The following HIRA variants were observed in gnomAD, a reference collection of about 807,000 sequenced individuals.
The protein encoded by HIRA is histone cell cycle regulator.
A neutral mutation model predicts 126.6 loss-of-function variants in HIRA; 13 were observed. The observed-to-expected ratio is 0.10, with a 90% confidence interval of 0.07 to 0.16. The LOEUF is 0.16. Ranked by LOEUF, HIRA falls within the 10% of genes least tolerant of loss-of-function variation. The pLI is 1.00. For missense variants in HIRA, 834 were observed against 1,314.4 expected, an observed-to-expected ratio of 0.63 and a Z score of 5.65; for synonymous variants, 511 against 520.0, an observed-to-expected ratio of 0.98 and a Z score of 0.24.
At chr22:19,431,394 G>A in intron 1 of HIRA, 46 bp downstream of exon 1, 1 of 1,598,744 alleles carries the variant, frequency 6.3e-7, no homozygotes, top group Non-Finnish European at 8.5e-7. Context: ...TCCAGACCCC[G>A]ACCCGACTCC....
intron 24 of HIRA, among the ~76,000 whole-genome samples, chr22:19,349,752 T>C (rs886367916): frequency 2.0e-5 from 3 of 152,188 alleles, no homozygotes; most frequent in Admixed American, 6.5e-5. Context: ...AATAAAAAAT[T>C]AGGCCTCTGT....
At chr22:19,336,079 C>A (rs1336200660) in intron 24 of HIRA, among the ~76,000 whole-genome samples, 1 of 152,050 alleles carries the variant, frequency 6.6e-6, no homozygotes, top group Non-Finnish European at 1.5e-5. Flanking sequence ...AAGAGACAAT[C>A]TTGAAAGTGG....
intron 1 of HIRA, among the ~76,000 whole-genome samples, chr22:19,427,278 A>G (rs1178224873): frequency 6.6e-6 from 1 of 152,216 alleles, no homozygotes; most frequent in East Asian, 1.9e-4. Context: ...ACTGATCTAA[A>G]GCAACTGCCA....
At chr22:19,341,900 T>C (rs2088633322) in intron 24 of HIRA, among the ~76,000 whole-genome samples, 1 of 152,200 alleles carries the variant, frequency 6.6e-6, no homozygotes, top group South Asian at 2.1e-4. Context: ...GGCAAATAGT[T>C]CATGACTACG....
In HIRA at chr22:19,350,142, T is replaced by C. The variant is rs564112859; in HGVS notation, c.2937+1216A>G. On this transcript the variant is annotated intron_variant, in intron 24 of 24. Transcript: ENST00000263208. ...AGTATTCTATATCTCCCTGCCCTTT[T>C]AATTTTTTTCCCATGGCATCCATCA... Among the ~76,000 whole-genome samples the C allele has an allele frequency of 1.1e-4, 17 of 152,254 alleles. No homozygotes were observed. The South Asian group carries it at 2.9e-3, about 26-fold the overall frequency.
intron 5 of HIRA, among the ~76,000 whole-genome samples, 176 bp from the exon 6 acceptor site, chr22:19,398,263 C>T (rs891666656): frequency 4.6e-5 from 7 of 152,170 alleles, no homozygotes; most frequent in East Asian, 1.9e-4. Context: ...AGCATCTAAC[C>T]GACCCCAGTG....
chr22:19,387,974 G>C (rs1671601027), intron 10 of HIRA, among the ~76,000 whole-genome samples, 158 bp from the exon 11 acceptor site: 1 of 150,988 alleles, frequency 6.6e-6, no homozygotes, highest in Non-Finnish European at 1.5e-5. Context: ...GGCCTGGGCG[G>C]GGGGGGGAGG....
At chr22:19,397,422 G>T (rs899370521) in intron 6 of HIRA, among the ~76,000 whole-genome samples, 1 of 152,216 alleles carries the variant, frequency 6.6e-6, no homozygotes, top group African/African-American at 2.4e-5. Context: ...TCCATAGCCA[G>T]ACTGAGTGTT....
intron 1 of HIRA, among the ~76,000 whole-genome samples, chr22:19,421,810 T>C (rs902236181): frequency 1.6e-4 from 25 of 152,288 alleles, no homozygotes; most frequent in African/African-American, 6.0e-4. Flanking sequence ...TTGCTGGGAC[T>C]ACAGGTACAT....
Position 19,396,954 on chromosome 22 carries a change from A to G in HIRA, c.494-7T>C, listed in dbSNP as rs1320857042. The G allele has an allele frequency of 6.2e-7, 1 of 1,613,952 alleles. No individual in the cohort carries two copies. The highest frequency in any genetic ancestry group is 8.5e-7 in the Non-Finnish European group (1 of 1,179,878). The stretch of plus-strand genomic sequence containing the variant: ...CTCAGAGTAGCTAGAATTTCTGTGA[A>G]GAAAAAAGGAATGTGGAGAGGTGTT... On this transcript the variant is annotated splice_region_variant and splice_polypyrimidine_tract_variant and intron_variant, in intron 6 of 24. Coordinates refer to ENST00000263208, the MANE Select transcript of HIRA (RefSeq NM_003325.4).
Position 19,377,960 on chromosome 22 carries a change from T to C in HIRA, c.1522A>G (p.Thr508Ala). 1 of 1,613,868 alleles carries C rather than the reference T, an allele frequency of 6.2e-7. No individual in the cohort carries two copies. Among genetic ancestry groups the C allele is most frequent in the Non-Finnish European group, 8.5e-7 (1 of 1,179,906 alleles). ...SPQLLPLDSS[T>A]PNSFGASKPC... is the part of the protein sequence containing the mutation. ...TTCGAGGCGCCGAAGGAGTTAGGGG[T>C]ACTGGAGTCCAGTGGCAGTAGCTGT... The change falls in exon 14 of 25, where the codon ACC (threonine) becomes GCC (alanine). Residue 508 changes from threonine to alanine, a missense_variant. This residue lies in a region of HIRA where 468 missense variants were observed against 574.2 expected (regional missense o/e 0.82). Transcript: ENST00000263208.
intron 11 of HIRA, among the ~76,000 whole-genome samples, chr22:19,387,002 A>G (rs2089133324): frequency 6.6e-6 from 1 of 152,232 alleles, no homozygotes; most frequent in South Asian, 2.1e-4. Context: ...GGGCTTTCAC[A>G]GAGCTCCCTT....
intron 19 of HIRA, among the ~76,000 whole-genome samples, 189 bp downstream of exon 19, chr22:19,356,701 C>T (rs1417209566): frequency 1.3e-5 from 2 of 152,234 alleles, no homozygotes; most frequent in African/African-American, 4.8e-5. Flanking sequence ...CCCCCTTGCA[C>T]ACTACCCCTC....
At chr22:19,343,205 A>G (rs1442352888) in intron 24 of HIRA, among the ~76,000 whole-genome samples, 5 of 152,166 alleles carry the variant, frequency 3.3e-5, no homozygotes, top group Admixed American at 3.3e-4. Flanking sequence ...CAACTCATGT[A>G]AATAGGATAT....
chr22:19,383,501 T>C (rs1486447131), intron 13 of HIRA, 119 bp downstream of exon 13: 3 of 798,286 alleles, frequency 3.8e-6, no homozygotes, highest in Non-Finnish European at 4.2e-6. Flanking sequence ...CTTGCTTCCA[T>C]GTTCTACCAG....
intron 19 of HIRA, 93 bp downstream of exon 19, chr22:19,356,797 C>T: frequency 7.7e-7 from 1 of 1,292,218 alleles, no homozygotes; most frequent in Non-Finnish European, 1.1e-6. Context: ...CCAGCCTTGT[C>T]CACTGCCTTC....
chr22:19,390,099 A>G (rs2089164500), intron 9 of HIRA, among the ~76,000 whole-genome samples: 1 of 152,068 alleles, frequency 6.6e-6, no homozygotes, highest in African/African-American at 2.4e-5. Flanking sequence ...CTGCATGCGG[A>G]GGTGTCTCTT....
chr22:19,370,259 C>G (rs1440156632), intron 15 of HIRA, among the ~76,000 whole-genome samples: 1 of 151,868 alleles, frequency 6.6e-6, no homozygotes, highest in African/African-American at 2.4e-5. Context: ...TGTTTTTATT[C>G]TTGTTTTGAG....
intron 12 of HIRA, among the ~76,000 whole-genome samples, chr22:19,385,002 A>G (rs936029273): frequency 3.9e-5 from 6 of 152,184 alleles, no homozygotes; most frequent in African/African-American, 1.4e-4. Flanking sequence ...CCTTCCTTCC[A>G]CAGAAAGCTT....
Sources: gnomAD v4.1 joint callset for allele counts (sites outside exome capture counted in the v4.1 genomes callset) on GRCh38, gnomAD v4.1.1 for gene constraint, gnomAD v4.1.1 regional missense constraint, MANE v1.5 for transcripts, NCBI Gene and HGNC (gene_info 2026-07-23, HGNC 2026-07-21) for gene names.